GRAMD1C: variants seen among roughly 807,000 people sequenced by gnomAD.
GRAMD1C encodes GRAM domain containing 1C, also known as protein Aster-C.
A neutral mutation model predicts 97.8 loss-of-function variants in GRAMD1C; 89 were observed. The ratio of observed to expected loss-of-function variants is 0.91; its 90% CI spans 0.77 to 1.09. GRAMD1C has a LOEUF of 1.09. GRAMD1C is among the 50% of genes least tolerant of loss of function. GRAMD1C has a pLI of 0.00. For missense variants in GRAMD1C, 740 were observed against 766.4 expected, an observed-to-expected ratio of 0.97 and a Z score of 0.41; for synonymous variants, 256 against 267.0, an observed-to-expected ratio of 0.96 and a Z score of 0.40.
chr3:113,920,062 A>C, intron 10 of GRAMD1C: 1 of 1,038,082 alleles, frequency 9.6e-7, no homozygotes, highest in Non-Finnish European at 1.5e-6. Flanking sequence ...TTGATGAGGA[A>C]GACTGAAGGT....
intron 6 of GRAMD1C, among the ~76,000 whole-genome samples, chr3:113,898,464 GAAA>G (rs986494255): frequency 2.0e-5 from 3 of 151,948 alleles, no homozygotes; most frequent in African/African-American, 7.2e-5. Flanking sequence ...TTATTATTGT[GAAA>G]AAAAGTTCAC....
rs1374172960 is a variant in GRAMD1C, at chr3:113,946,160, A to G, written c.*682A>G. On this transcript the variant is annotated 3_prime_UTR_variant, in exon 18 of 18. Coordinates refer to ENST00000358160, the MANE Select transcript of GRAMD1C (RefSeq NM_017577.5). Reference sequence around the variant, plus strand: ...TCTTGCCTCCTCACTTAGAATACCAACAGTCAAAAGGAAGAACCATCCTCT... The same window carrying G: ...TCTTGCCTCCTCACTTAGAATACCAGCAGTCAAAAGGAAGAACCATCCTCT... 2 of 152,630 alleles carry G rather than the reference A, an allele frequency of 1.3e-5. No homozygotes were observed. The highest frequency in any genetic ancestry group is 4.8e-5 in the African/African-American group (2 of 41,458). The allele number at this position is 152,630 out of a possible 1,614,324, so 9.5% of individuals were successfully genotyped here.
chr3:113,940,476 G>A (rs1164090119), intron 17 of GRAMD1C, 131 bp downstream of exon 17: 2 of 586,420 alleles, frequency 3.4e-6, no homozygotes, highest in Admixed American at 3.1e-5. Context: ...AACTACCCCT[G>A]CCAGTCTCTA....
rs185156996 is a variant in GRAMD1C at position 113,889,853 on chromosome 3, G to T, written c.540+7021G>T. On this transcript the variant is annotated intron_variant, in intron 6 of 17. Transcript: ENST00000358160. ...GGGTTTCTCCATGTTGGTCAGGCTG[G>T]TCTCGAACTCCCGACCTCAGGTGAT... 1.3e-3 allele frequency among the ~76,000 whole-genome samples: 201 copies of T among 152,206 alleles called. 1 individual carries two copies. Among genetic ancestry groups the T allele is most frequent in the Non-Finnish European group, 2.1e-3 (143 of 67,994 alleles).
intron 3 of GRAMD1C, among the ~76,000 whole-genome samples, chr3:113,871,014 CACACACACAGAG>C (rs1309807250): frequency 1.6e-5 from 2 of 128,080 alleles, no homozygotes; most frequent in Non-Finnish European, 3.3e-5. Flanking sequence ...CACACACACA[CACACACACAGAG>C]GAATATTAAG....
intron 10 of GRAMD1C, among the ~76,000 whole-genome samples, chr3:113,924,292 G>C (rs896064369): frequency 2.6e-5 from 4 of 151,676 alleles, no homozygotes; most frequent in Admixed American, 2.0e-4. Flanking sequence ...CTCTAATTTT[G>C]GTTATTTCTT....
intron 10 of GRAMD1C, among the ~76,000 whole-genome samples, chr3:113,924,547 G>A (rs1438556117): frequency 6.6e-6 from 1 of 152,146 alleles, no homozygotes; most frequent in Non-Finnish European, 1.5e-5. Flanking sequence ...TCAGGAGCAG[G>A]TTGTTTAATT....
At chr3:113,858,536 A>G (rs762185026) in intron 2 of GRAMD1C, among the ~76,000 whole-genome samples, 6 of 151,820 alleles carry the variant, frequency 4.0e-5, no homozygotes, top group Non-Finnish European at 8.8e-5. Flanking sequence ...CTGAGACTAC[A>G]GGCTCACTCC....
intron 10 of GRAMD1C, 50 bp from the exon 11 acceptor site, chr3:113,930,664 A>G (rs761436079): frequency 1.1e-6 from 1 of 945,004 alleles, no homozygotes. Flanking sequence ...ATTTAATGTC[A>G]TACTGTTTAA....
chr3:113,850,401 C>A, intron 2 of GRAMD1C: 2 of 939,812 alleles, frequency 2.1e-6, no homozygotes, highest in Non-Finnish European at 3.5e-6. Flanking sequence ...GCAGGTCGCT[C>A]ACCCTCCAGA....
chr3:113,847,044 T>C (rs913698024), intron 2 of GRAMD1C, among the ~76,000 whole-genome samples: 1 of 152,176 alleles, frequency 6.6e-6, no homozygotes, highest in Admixed American at 6.5e-5. Flanking sequence ...AAATCTTCAT[T>C]TGGTGTTTCT....
At chr3:113,850,490 A>G (rs1442144629) in intron 2 of GRAMD1C, 6 of 1,531,166 alleles carry the variant, frequency 3.9e-6, no homozygotes, top group Non-Finnish European at 5.4e-6. Flanking sequence ...GATGAAGATA[A>G]TCATGGAGAT....
At chr3:113,850,262 C>A in intron 2 of GRAMD1C, 1 of 652,686 alleles carries the variant, frequency 1.5e-6, no homozygotes, top group Non-Finnish European at 2.9e-6. Flanking sequence ...ACCACGTCCA[C>A]GACCAAATCT....
intron 2 of GRAMD1C, among the ~76,000 whole-genome samples, chr3:113,863,210 A>G (rs1934462853): frequency 1.3e-5 from 2 of 152,228 alleles, no homozygotes; most frequent in Admixed American, 6.5e-5. Context: ...GAATGCATAG[A>G]TAAAATGTAG....
intron 6 of GRAMD1C, among the ~76,000 whole-genome samples, chr3:113,887,090 T>TTTG (rs1559795651): frequency 3.6e-5 from 4 of 110,370 alleles, no homozygotes; most frequent in Non-Finnish European, 7.7e-5. Flanking sequence ...TTTTTGTTTT[T>TTTG]TTTTTGTTTT....
chr3:113,861,397 T>A (rs2107353851), intron 2 of GRAMD1C, among the ~76,000 whole-genome samples: 1 of 152,232 alleles, frequency 6.6e-6, no homozygotes, highest in East Asian at 1.9e-4. Context: ...TCCCACCTAC[T>A]TAGGAGGCTG....
intron 5 of GRAMD1C, among the ~76,000 whole-genome samples, chr3:113,877,760 G>C (rs1368744676): frequency 1.3e-5 from 2 of 151,690 alleles, no homozygotes; most frequent in African/African-American, 4.8e-5. Context: ...TTCCTTTGTA[G>C]TAATAAGTAT....
At chr3:113,892,051 T>G (rs1256067042) in intron 6 of GRAMD1C, among the ~76,000 whole-genome samples, 1 of 152,034 alleles carries the variant, frequency 6.6e-6, no homozygotes, top group Non-Finnish European at 1.5e-5. Flanking sequence ...GATAGTAAAA[T>G]TATGTTTGTG....
chr3:113,897,048 G>C (rs759758522), intron 6 of GRAMD1C, among the ~76,000 whole-genome samples: 1 of 152,158 alleles, frequency 6.6e-6, no homozygotes, highest in Non-Finnish European at 1.5e-5. Context: ...TGAGAGATGT[G>C]CCGGGTGCTT....
Sources: allele counts gnomAD v4.1 joint callset (sites outside exome capture counted in the v4.1 genomes callset), GRCh38; gene constraint gnomAD v4.1.1; transcripts MANE v1.5; gene names NCBI Gene and HGNC (gene_info 2026-07-23, HGNC 2026-07-21).